The following DYNC1I2 variants were observed in gnomAD, a reference collection of about 807,000 sequenced individuals.
DYNC1I2 encodes the protein cytoplasmic dynein 1 intermediate chain 2.
In DYNC1I2, 53 loss-of-function variants were observed where a neutral mutation model predicts 88.6. The ratio of observed to expected loss-of-function variants is 0.60; its 90% CI spans 0.48 to 0.75. The LOEUF (loss-of-function observed/expected upper bound fraction) is 0.75. Ranked by LOEUF, DYNC1I2 falls within the 30% of genes least tolerant of loss-of-function variation. The pLI is 0.00. For synonymous variants in DYNC1I2, 198 were observed against 254.6 expected (o/e 0.78, Z 2.12); for missense variants, 458 against 766.6 (o/e 0.60, Z 4.75).
At chr2:171,726,990 C>G in intron 11 of DYNC1I2, 74 bp downstream of exon 11, 1 of 1,408,034 alleles carries the variant, frequency 7.1e-7, no homozygotes, top group Non-Finnish European at 9.4e-7. Context: ...TGCCTTTTTT[C>G]TTTTCTTGTC....
intron 15 of DYNC1I2, among the ~76,000 whole-genome samples, chr2:171,731,948 G>GAACT (rs1688643309): frequency 6.6e-6 from 1 of 152,194 alleles, no homozygotes; most frequent in Non-Finnish European, 1.5e-5. Context: ...CATTGTTTTA[G>GAACT]AACTGCCTGG....
chr2:171,727,738 G>A, intron 11 of DYNC1I2, 83 bp from the exon 12 acceptor site: 1 of 1,318,690 alleles, frequency 7.6e-7, no homozygotes, highest in South Asian at 1.4e-5. Flanking sequence ...AGAAAGAAAT[G>A]TTTCGGATAA....
chr2:171,689,802 C>T (rs1685247073), intron 1 of DYNC1I2, among the ~76,000 whole-genome samples: 1 of 151,584 alleles, frequency 6.6e-6, no homozygotes, highest in Non-Finnish European at 1.5e-5. Flanking sequence ...GCCTTGACTT[C>T]CTGGGCTCCA....
intron 3 of DYNC1I2, among the ~76,000 whole-genome samples, chr2:171,702,007 A>G (rs890265378): frequency 1.3e-5 from 2 of 152,216 alleles, no homozygotes; most frequent in African/African-American, 4.8e-5. Flanking sequence ...ATGCTTTGAA[A>G]AACAAGCCAA....
chr2:171,699,790 C>G (rs1175224627), intron 3 of DYNC1I2, among the ~76,000 whole-genome samples: 2 of 151,938 alleles, frequency 1.3e-5, no homozygotes, highest in Non-Finnish European at 2.9e-5. Context: ...GCAGGTATCA[C>G]TATGCCTGGC....
chr2:171,689,791 A>G (rs188387028), intron 1 of DYNC1I2, among the ~76,000 whole-genome samples: 1 of 151,728 alleles, frequency 6.6e-6, no homozygotes, highest in African/African-American at 2.4e-5. Flanking sequence ...GGCTCACTGC[A>G]GCCTTGACTT....
chr2:171,717,755 CCAAAA>C (rs1288985235), intron 7 of DYNC1I2, among the ~76,000 whole-genome samples: 2 of 152,030 alleles, frequency 1.3e-5, no homozygotes, highest in Non-Finnish European at 2.9e-5. Context: ...ACCAGAATAA[CCAAAA>C]CGAAGGCACA....
chr2:171,698,616 T>A (rs181558879), intron 3 of DYNC1I2, among the ~76,000 whole-genome samples: 2,777 of 152,206 alleles, frequency 0.018, 37 homozygotes, highest in Non-Finnish European at 0.031. Context: ...ACACCTGTAA[T>A]CCCAGCACTT....
chr2:171,726,159 A>C, intron 9 of DYNC1I2, 35 bp from the exon 10 acceptor site: 1 of 1,587,618 alleles, frequency 6.3e-7, no homozygotes, highest in South Asian at 1.2e-5. Context: ...AAGTTATAAC[A>C]CCATCTTTTT....
At chr2:171,718,935 A>G (rs1176763213) in intron 7 of DYNC1I2, among the ~76,000 whole-genome samples, 3 of 152,212 alleles carry the variant, frequency 2.0e-5, no homozygotes, top group Non-Finnish European at 2.9e-5. Flanking sequence ...GCTAGTAGCT[A>G]TGATTGTAAA....
intron 17 of DYNC1I2, among the ~76,000 whole-genome samples, chr2:171,746,476 T>C (rs1689787632): frequency 1.3e-5 from 2 of 152,294 alleles, no homozygotes; most frequent in African/African-American, 4.8e-5. Flanking sequence ...ATTTCCTCTT[T>C]TTTAACCCTG....
intron 13 of DYNC1I2, 128 bp from the exon 14 acceptor site, chr2:171,728,589 C>T (rs1055770444): frequency 5.4e-5 from 52 of 955,364 alleles, no homozygotes; most frequent in Non-Finnish European, 7.5e-5. Flanking sequence ...TACTTTGAAA[C>T]CTGCTTCATT....
intron 2 of DYNC1I2, among the ~76,000 whole-genome samples, chr2:171,690,844 C>T (rs1012207073): frequency 4.0e-5 from 6 of 151,510 alleles, no homozygotes; most frequent in Non-Finnish European, 7.4e-5. Flanking sequence ...TTTGTAGAGA[C>T]GAGGTTTTGC....
chr2:171,717,192 G>C (rs1687562849), intron 7 of DYNC1I2, among the ~76,000 whole-genome samples: 1 of 148,004 alleles, frequency 6.8e-6, no homozygotes, highest in Non-Finnish European at 1.5e-5. Flanking sequence ...ACCCAGGCTG[G>C]AGTGCAGTGG....
At chr2:171,714,918 A>G (rs1011802689) in intron 6 of DYNC1I2, among the ~76,000 whole-genome samples, 2 of 152,170 alleles carry the variant, frequency 1.3e-5, no homozygotes, top group Non-Finnish European at 2.9e-5. Flanking sequence ...TAGTGGCACA[A>G]TCAGCTAAAT....
intron 15 of DYNC1I2, among the ~76,000 whole-genome samples, chr2:171,743,586 C>G (rs1689591027): frequency 6.6e-6 from 1 of 152,174 alleles, no homozygotes; most frequent in Admixed American, 6.5e-5. Flanking sequence ...CCATGCAAGT[C>G]TTGTAGTTGT....
At chr2:171,741,556 T>A (rs1288078172) in intron 15 of DYNC1I2, among the ~76,000 whole-genome samples, 1 of 152,212 alleles carries the variant, frequency 6.6e-6, no homozygotes, top group East Asian at 1.9e-4. Context: ...TAGGCTATTG[T>A]AAGCACTGTG....
At chr2:171,694,252 G>C (rs1685593047) in intron 3 of DYNC1I2, among the ~76,000 whole-genome samples, 2 of 151,918 alleles carry the variant, frequency 1.3e-5, no homozygotes, top group South Asian at 2.1e-4. Flanking sequence ...GGCCAGGCTG[G>C]TCTCGAACTC....
intron 1 of DYNC1I2, chr2:171,688,329 T>C (rs1484161549): frequency 6.6e-6 from 1 of 152,156 alleles, no homozygotes; most frequent in African/African-American, 2.4e-5. Flanking sequence ...AACGTGAACA[T>C]GTCGGTCATG....
Sources: gnomAD v4.1 joint callset for allele counts (sites outside exome capture counted in the v4.1 genomes callset) on GRCh38, gnomAD v4.1.1 for gene constraint, MANE v1.5 for transcripts, NCBI Gene and HGNC (gene_info 2026-07-23, HGNC 2026-07-21) for gene names.